The following MYO18B variants were observed in gnomAD, a reference collection of about 807,000 sequenced individuals.
MYO18B encodes the protein unconventional myosin-XVIIIb.
MYO18B carries 204 observed loss-of-function variants against 273.0 expected under a neutral mutation model. The observed-to-expected ratio is 0.75, with a 90% CI of 0.67 to 0.84. The LOEUF (loss-of-function observed/expected upper bound fraction) is 0.84, where lower values mean the gene tolerates loss of function less well. Among genes scored for constraint, MYO18B ranks in the 40% least tolerant of loss-of-function variants. MYO18B has a pLI of 0.00. For missense variants in MYO18B, 3,212 were observed against 3,287.6 expected (o/e 0.98, Z 0.56); for synonymous variants, 1,330 against 1,305.7 (o/e 1.02, Z -0.40).
chr22:25,892,104 G>A (rs552939099), intron 27 of MYO18B: 1 of 152,330 alleles, frequency 6.6e-6, no homozygotes, highest in South Asian at 2.1e-4. Flanking sequence ...TGGATTTTGG[G>A]GCAAAGAAAT....
At chr22:25,926,292 G>T (rs1012018351) in intron 34 of MYO18B, among the ~76,000 whole-genome samples, 2 of 146,032 alleles carry the variant, frequency 1.4e-5, no homozygotes, top group Non-Finnish European at 3.0e-5. Context: ...AGAGAAAGGT[G>T]TTTTTTTTTT....
chr22:26,026,484 G>C lies in MYO18B; in HGVS notation c.6510G>C (p.Ser2170=). Residue 2170 remains serine, a synonymous_variant, in exon 43 of 44, where the codon TCG becomes TCC. Transcript: ENST00000335473. Reference sequence around the variant, plus strand: ...CTGGGGACACTGAGAGGACCCAGTCGGCATTGGCACTGAGCAGAGCCCGGT... The same window carrying C: ...CTGGGGACACTGAGAGGACCCAGTCCGCATTGGCACTGAGCAGAGCCCGGT... ...EEAGDTERTQ[S]ALALSRARST... is the part of the protein sequence containing the mutation. 6.2e-7 allele frequency: 1 copy of C among 1,613,512 alleles called. No individual in the cohort carries two copies. Among genetic ancestry groups the C allele is most frequent in the Non-Finnish European group, 8.5e-7 (1 of 1,179,580 alleles).
At chr22:25,764,123 C>T (rs969136036) in intron 3 of MYO18B, among the ~76,000 whole-genome samples, 1 of 152,218 alleles carries the variant, frequency 6.6e-6, no homozygotes, top group African/African-American at 2.4e-5. Context: ...CAGTACCTTC[C>T]TCCAGCTGGT....
intron 33 of MYO18B, among the ~76,000 whole-genome samples, chr22:25,915,290 T>C (rs2146411306): frequency 1.3e-5 from 2 of 152,310 alleles, no homozygotes; most frequent in South Asian, 4.1e-4. Context: ...AATTTCATCA[T>C]TGTGGGAACA....
chr22:25,903,507 G>T (rs1229593353), intron 30 of MYO18B, 124 bp from the exon 31 acceptor site: 11 of 985,254 alleles, frequency 1.1e-5, no homozygotes, highest in Non-Finnish European at 1.5e-5. Flanking sequence ...GGTCCAGGTG[G>T]AAATGGCAGG....
the MYO18B span, among the ~76,000 whole-genome samples, chr22:26,052,034 T>C: frequency 6.6e-5 from 10 of 152,246 alleles, no homozygotes; most frequent in Non-Finnish European, 1.0e-4. Flanking sequence ...TGAATATCCT[T>C]GCATATGCAT....
At chr22:25,780,250 T>C (rs2087084896) in intron 9 of MYO18B, 52 bp downstream of exon 9, 1 of 1,557,322 alleles carries the variant, frequency 6.4e-7, no homozygotes, top group Non-Finnish European at 8.7e-7. Flanking sequence ...GCTGTGTCTC[T>C]AACCCCGGGA....
chr22:26,048,697 T>C, the MYO18B span, among the ~76,000 whole-genome samples: 4 of 152,066 alleles, frequency 2.6e-5, no homozygotes, highest in African/African-American at 9.7e-5. Context: ...CCTCTCATTA[T>C]TAAAAAAAAA....
At chr22:25,764,735 G>C (rs1394918525) in intron 3 of MYO18B, among the ~76,000 whole-genome samples, 1 of 152,202 alleles carries the variant, frequency 6.6e-6, no homozygotes, top group African/African-American at 2.4e-5. Context: ...AGTTGACCCC[G>C]GCAGGCTGTT....
intron 42 of MYO18B, among the ~76,000 whole-genome samples, chr22:26,022,945 C>T (rs543335413): frequency 1.3e-5 from 2 of 152,350 alleles, no homozygotes; most frequent in East Asian, 3.9e-4. Flanking sequence ...TGCCAGCACT[C>T]ACAGACTGTG....
downstream of MYO18B, among the ~76,000 whole-genome samples, chr22:26,031,819 T>C (rs1341196119): frequency 3.3e-5 from 5 of 152,212 alleles, no homozygotes; most frequent in Non-Finnish European, 5.9e-5. Flanking sequence ...ATGGAGCACG[T>C]TGGTGGAACA....
chr22:25,946,156 A>G lies in MYO18B; in HGVS notation c.5537A>G (p.Lys1846Arg). The change falls in exon 35 of 44, where the codon AAG becomes AGG. Residue 1846 changes from lysine to arginine, a missense_variant. Transcript: ENST00000335473. ...GTCCAGCTGGAGCAGAGTGAAGCCAAGTGTGAGGAGGCCTTGAAGACGCAG... is the reference window on the plus strand; with the variant it reads ...GTCCAGCTGGAGCAGAGTGAAGCCAGGTGTGAGGAGGCCTTGAAGACGCAG... Reference protein sequence around the residue: ...VHSQLEQSEAKCEEALKTQKV... With the variant: ...VHSQLEQSEARCEEALKTQKV... 1 of 1,559,370 alleles carries G rather than the reference A, an allele frequency of 6.4e-7. No individual in the cohort carries two copies. Among genetic ancestry groups the G allele is most frequent in the South Asian group, 1.2e-5 (1 of 84,068 alleles).
intron 39 of MYO18B, among the ~76,000 whole-genome samples, chr22:25,989,118 AC>A (rs1195515689): frequency 1.3e-5 from 2 of 152,126 alleles, no homozygotes; most frequent in Admixed American, 6.5e-5. Flanking sequence ...CTCCTGCATG[AC>A]ACTGACATGG....
intron 12 of MYO18B, among the ~76,000 whole-genome samples, chr22:25,799,966 G>GATAT (rs3069295): frequency 7.9e-4 from 120 of 151,950 alleles, no homozygotes; most frequent in African/African-American, 2.0e-3. Context: ...GAAAATGTGA[G>GATAT]ATATATATAT....
intron 14 of MYO18B, among the ~76,000 whole-genome samples, chr22:25,826,786 G>A (rs144971244): frequency 1.7e-3 from 266 of 152,318 alleles, no homozygotes; most frequent in African/African-American, 5.8e-3. Flanking sequence ...CTGGCCAAGC[G>A]TGGTGGCTCA....
At chr22:25,817,782 T>G (rs1638668837) in intron 12 of MYO18B, among the ~76,000 whole-genome samples, 1 of 152,254 alleles carries the variant, frequency 6.6e-6, no homozygotes, top group South Asian at 2.1e-4. Context: ...AAGAAACTTA[T>G]TTAACCAAGC....
chr22:25,754,782 A>C (rs1427387644), intron 1 of MYO18B, among the ~76,000 whole-genome samples: 2 of 152,128 alleles, frequency 1.3e-5, no homozygotes, highest in African/African-American at 2.4e-5. Flanking sequence ...CTGGCGCAGG[A>C]CCTCTGAGGG....
intron 32 of MYO18B, among the ~76,000 whole-genome samples, chr22:25,909,952 C>T (rs146046394): frequency 6.3e-4 from 96 of 152,114 alleles, no homozygotes; most frequent in African/African-American, 2.0e-3. Flanking sequence ...TTTGCCCACC[C>T]GTGAAATAGG....
intron 27 of MYO18B, among the ~76,000 whole-genome samples, chr22:25,892,051 T>C (rs1489965032): frequency 1.3e-5 from 2 of 152,208 alleles, no homozygotes; most frequent in Non-Finnish European, 2.9e-5. Flanking sequence ...GAAGGCTGTC[T>C]AGTGGTTAAA....
Sources: allele counts gnomAD v4.1 joint callset (sites outside exome capture counted in the v4.1 genomes callset), GRCh38; gene constraint gnomAD v4.1.1; transcripts MANE v1.5; gene names NCBI Gene and HGNC (gene_info 2026-07-23, HGNC 2026-07-21).